FAM47E: variants seen among roughly 807,000 people sequenced by gnomAD.
FAM47E encodes family with sequence similarity 47 member E, also known as protein FAM47E.
In FAM47E, 32 loss-of-function variants were observed where a neutral mutation model predicts 41.6. The ratio of observed to expected loss-of-function variants is 0.77; its 90% CI spans 0.58 to 1.03. The LOEUF is 1.03. FAM47E is among the 50% of genes least tolerant of loss of function. The pLI is 0.00. For missense variants in FAM47E, 424 were observed against 485.4 expected (o/e 0.87, Z 1.19); for synonymous variants, 184 against 188.7 (o/e 0.98, Z 0.20).
At chr4:76,281,165 T>A (rs1250407553) in intron 7 of FAM47E, 1 of 152,224 alleles carries the variant, frequency 6.6e-6, no homozygotes, top group Non-Finnish European at 1.5e-5. Context: ...TAGGGGACAG[T>A]GCAACTGAGA....
chr4:76,216,316 G>GA (rs1282967674), intron 1 of FAM47E, among the ~76,000 whole-genome samples: 5 of 151,694 alleles, frequency 3.3e-5, no homozygotes, highest in South Asian at 2.1e-4. Context: ...TCCCTAACTA[G>GA]AAAAAAAAAT....
At chr4:76,237,936 G>T (rs1007652922) in intron 2 of FAM47E, among the ~76,000 whole-genome samples, 8 of 152,212 alleles carry the variant, frequency 5.3e-5, no homozygotes, top group Non-Finnish European at 1.2e-4. Context: ...CTCCAACACA[G>T]GGGATTACAA....
At chr4:76,218,966 G>A (rs1733261863) in intron 2 of FAM47E, among the ~76,000 whole-genome samples, 1 of 152,072 alleles carries the variant, frequency 6.6e-6, no homozygotes, top group South Asian at 2.1e-4. Flanking sequence ...TCTATTTTAA[G>A]GATAAGGAAA....
intron 2 of FAM47E, among the ~76,000 whole-genome samples, chr4:76,239,886 A>C (rs1733670907): frequency 6.6e-6 from 1 of 152,128 alleles, no homozygotes; most frequent in African/African-American, 2.4e-5. Context: ...TTATGGATCT[A>C]GTCTGCATTA....
chr4:76,253,822 A>G (rs62300775), intron 1 of FAM47E, among the ~76,000 whole-genome samples: 2 of 149,772 alleles, frequency 1.3e-5, no homozygotes, highest in Non-Finnish European at 3.0e-5. Flanking sequence ...AAAAAAAAAG[A>G]AAGGAAAGAA....
chr4:76,227,657 A>G (rs898170243), intron 2 of FAM47E, among the ~76,000 whole-genome samples: 1 of 149,580 alleles, frequency 6.7e-6, no homozygotes, highest in Non-Finnish European at 1.5e-5. Context: ...GTTACCATCT[A>G]TCTCATTTCT....
intron 2 of FAM47E, among the ~76,000 whole-genome samples, chr4:76,258,920 C>A (rs1478935799): frequency 6.6e-6 from 1 of 152,132 alleles, no homozygotes; most frequent in African/African-American, 2.4e-5. Context: ...AAGAGGTGGA[C>A]TTGTGGACTT....
intron 2 of FAM47E, among the ~76,000 whole-genome samples, chr4:76,261,099 G>T (rs557046045): frequency 6.6e-6 from 1 of 151,776 alleles, no homozygotes; most frequent in Admixed American, 6.6e-5. Context: ...GAGAAAAGCC[G>T]ATTAAAACCA....
intron 2 of FAM47E, chr4:76,217,693 T>C: frequency 3.3e-6 from 2 of 606,602 alleles, no homozygotes; most frequent in Non-Finnish European, 6.0e-6. Flanking sequence ...TCTCAGGTAT[T>C]GTTATAGCAA....
chr4:76,261,886 G>A (rs987994593), intron 2 of FAM47E, among the ~76,000 whole-genome samples: 4 of 152,076 alleles, frequency 2.6e-5, no homozygotes, highest in Non-Finnish European at 5.9e-5. Flanking sequence ...GAAAACAAGT[G>A]TCATTTGTTC....
intron 2 of FAM47E, among the ~76,000 whole-genome samples, chr4:76,237,248 G>A (rs1272985355): frequency 6.6e-6 from 1 of 151,910 alleles, no homozygotes; most frequent in Non-Finnish European, 1.5e-5. Flanking sequence ...TGCTGGAAAG[G>A]TATAATGAGG....
intron 3 of FAM47E, chr4:76,267,700 G>T (rs925327656): frequency 2.0e-5 from 3 of 152,146 alleles, no homozygotes; most frequent in African/African-American, 7.2e-5. Context: ...ATGGAGTATT[G>T]GCCATAAAAA....
intron 2 of FAM47E, among the ~76,000 whole-genome samples, chr4:76,262,969 G>A (rs1734481628): frequency 6.6e-6 from 1 of 151,914 alleles, no homozygotes; most frequent in African/African-American, 2.4e-5. Context: ...GTCTTGCTAT[G>A]TTGCCCAGGC....
At chr4:76,220,129 TC>T (rs1355073571) in intron 2 of FAM47E, among the ~76,000 whole-genome samples, 2 of 152,180 alleles carry the variant, frequency 1.3e-5, no homozygotes, top group Non-Finnish European at 2.9e-5. Context: ...AACAGAATTA[TC>T]ATATGACCTA....
intron 2 of FAM47E, chr4:76,236,585 T>TC (rs1262655248): frequency 7.5e-5 from 11 of 146,748 alleles, no homozygotes; most frequent in African/African-American, 2.8e-4. Flanking sequence ...GGGAGACATT[T>TC]ACACATTAGA....
At chr4:76,257,850 G>C (rs1734254503) in intron 2 of FAM47E, among the ~76,000 whole-genome samples, 1 of 152,104 alleles carries the variant, frequency 6.6e-6, no homozygotes, top group East Asian at 1.9e-4. Context: ...AAGCTTATAA[G>C]GGCAGGGACT....
At chr4:76,262,714 T>C (rs1734469875) in intron 2 of FAM47E, among the ~76,000 whole-genome samples, 1 of 152,222 alleles carries the variant, frequency 6.6e-6, no homozygotes, top group African/African-American at 2.4e-5. Context: ...TTTTTTGATA[T>C]CTTGGTTCTT....
upstream of FAM47E, chr4:76,251,580 T>C: frequency 7.8e-7 from 1 of 1,288,258 alleles, no homozygotes; most frequent in East Asian, 3.1e-5. Flanking sequence ...CAGGTCCACG[T>C]CCCCAGGCGT....
chr4:76,225,765 G>A (rs186453585), intron 2 of FAM47E, among the ~76,000 whole-genome samples: 117 of 152,268 alleles, frequency 7.7e-4, no homozygotes, highest in Non-Finnish European at 1.6e-3. Context: ...TTATCTTTTT[G>A]ATATGCTGTT....
Sources: allele counts gnomAD v4.1 joint callset (sites outside exome capture counted in the v4.1 genomes callset), GRCh38; gene constraint gnomAD v4.1.1; transcripts MANE v1.5; gene names NCBI Gene and HGNC (gene_info 2026-07-23, HGNC 2026-07-21).